The following ACSS3 variants were observed in gnomAD, a reference collection of about 807,000 sequenced individuals.
ACSS3 encodes the protein acyl-CoA synthetase short-chain family member 3, mitochondrial.
A neutral mutation model predicts 84.2 loss-of-function variants in ACSS3; 64 were observed. The observed-to-expected ratio is 0.76, with a 90% CI of 0.62 to 0.94. ACSS3 has a LOEUF of 0.94. ACSS3 is among the 40% of genes least tolerant of loss of function. The pLI is 0.00. For missense variants in ACSS3, 815 were observed against 867.6 expected (o/e 0.94, Z 0.76); for synonymous variants, 317 against 310.1 (o/e 1.02, Z -0.23).
At chr12:81,192,448 T>A in intron 8 of ACSS3, among the ~76,000 whole-genome samples, 1 of 152,260 alleles carries the variant, frequency 6.6e-6, no homozygotes, top group Non-Finnish European at 1.5e-5. Context: ...AGATACCAGA[T>A]GTTTTAATAT....
At chr12:81,160,984 C>A (rs878988617) in intron 7 of ACSS3, among the ~76,000 whole-genome samples, 1 of 152,056 alleles carries the variant, frequency 6.6e-6, no homozygotes. Context: ...ATAATTCCCA[C>A]GATATAATAG....
intron 9 of ACSS3, among the ~76,000 whole-genome samples, chr12:81,209,391 A>T (rs1027105156): frequency 1.1e-5 from 1 of 89,200 alleles, no homozygotes; most frequent in Non-Finnish European, 2.8e-5. Context: ...TGCTATGTAA[A>T]AAAAAAAAAA....
intron 13 of ACSS3, among the ~76,000 whole-genome samples, chr12:81,251,393 C>A (rs904865407): frequency 6.6e-6 from 1 of 151,940 alleles, no homozygotes; most frequent in Non-Finnish European, 1.5e-5. Flanking sequence ...TAATTGTATG[C>A]CAATTTTGGT....
chr12:81,095,565 G>GCATGACTCACAA (rs1832655626), intron 1 of ACSS3, among the ~76,000 whole-genome samples: 2 of 152,046 alleles, frequency 1.3e-5, no homozygotes, highest in South Asian at 4.2e-4. Flanking sequence ...TTACTGTCAG[G>GCATGACTCACAA]CATGACTCAC....
intron 7 of ACSS3, among the ~76,000 whole-genome samples, chr12:81,167,985 A>T (rs925025917): frequency 1.3e-5 from 2 of 152,162 alleles, no homozygotes; most frequent in Admixed American, 6.5e-5. Flanking sequence ...TAGCAAACTG[A>T]TAGAAAGTAT....
chr12:81,182,094 G>A (rs1261477993), intron 8 of ACSS3, among the ~76,000 whole-genome samples: 1 of 152,024 alleles, frequency 6.6e-6, no homozygotes, highest in Non-Finnish European at 1.5e-5. Context: ...AATCTAAAGA[G>A]GCACATTATA....
rs1409860286 is a variant in ACSS3 at position 81,231,982 on chromosome 12, C to T, written c.1596+844C>T. Among the ~76,000 whole-genome samples, 31 of 150,772 alleles carry T rather than the reference C, an allele frequency of 2.1e-4. No individual in the cohort carries two copies. In the Admixed American group the frequency reaches 2.1e-3, roughly 10 times the overall value. ...TTTGCTGAAGTACTTAGCATTTTAT[C>T]TTTATTATTTGTTAGTGAAGGACAG... On this transcript the variant is annotated intron_variant, in intron 12 of 15. Coordinates refer to ENST00000548058, the MANE Select transcript of ACSS3 (RefSeq NM_024560.4).
chr12:81,106,568 A>G (rs1445998458), intron 1 of ACSS3, among the ~76,000 whole-genome samples: 2 of 152,226 alleles, frequency 1.3e-5, no homozygotes, highest in African/African-American at 4.8e-5. Flanking sequence ...GTCTTTCATG[A>G]AACCAGTCTC....
intron 7 of ACSS3, among the ~76,000 whole-genome samples, chr12:81,159,562 G>C (rs1887048889): frequency 6.6e-6 from 1 of 152,172 alleles, no homozygotes; most frequent in Admixed American, 6.6e-5. Context: ...GAATAATTTA[G>C]TCTTTACTTT....
chr12:81,134,173 C>G (rs963673332), intron 2 of ACSS3, among the ~76,000 whole-genome samples: 2 of 151,948 alleles, frequency 1.3e-5, no homozygotes, highest in Admixed American at 6.6e-5. Context: ...GTAGAAAGAG[C>G]AAAGAATATG....
At chr12:81,195,831 G>A (rs557487981) in intron 8 of ACSS3, among the ~76,000 whole-genome samples, 8 of 152,080 alleles carry the variant, frequency 5.3e-5, no homozygotes, top group Non-Finnish European at 7.4e-5. Flanking sequence ...ATCAGGACAC[G>A]CGAATTTTAC....
In ACSS3 at chr12:81,238,632, G is replaced by T. The variant is rs564855817; in HGVS notation, c.1719+5161G>T. On this transcript the variant is annotated intron_variant, in intron 13 of 15. Transcript: ENST00000548058. ...TCAAGAAATTAGTTTATTTTGTCTA[G>T]GTAATCAAATTGGTGGGCATAGACT... Among the ~76,000 whole-genome samples, 3 of 151,642 alleles carry T rather than the reference G, an allele frequency of 2.0e-5. No homozygotes were observed. In the Admixed American group the frequency reaches 2.0e-4, roughly 10 times the overall value.
chr12:81,127,395 C>G (rs927266520), intron 2 of ACSS3, among the ~76,000 whole-genome samples: 1 of 152,070 alleles, frequency 6.6e-6, no homozygotes, highest in Non-Finnish European at 1.5e-5. Flanking sequence ...AATGCATGGA[C>G]TAAAGAATAA....
chr12:81,185,137 G>A (rs891702772), intron 8 of ACSS3, among the ~76,000 whole-genome samples: 5 of 151,716 alleles, frequency 3.3e-5, no homozygotes, highest in South Asian at 2.1e-4. Context: ...CATAAAAAAA[G>A]CATTCAACAA....
At chr12:81,172,280 C>G (rs1216422674) in intron 7 of ACSS3, among the ~76,000 whole-genome samples, 3 of 68,942 alleles carry the variant, frequency 4.4e-5, no homozygotes, top group East Asian at 8.3e-4. Flanking sequence ...AAAAAAAAGG[C>G]CCTGGTGATC....
intron 8 of ACSS3, among the ~76,000 whole-genome samples, chr12:81,191,330 CCT>C (rs1205676632): frequency 6.6e-6 from 1 of 151,970 alleles, no homozygotes; most frequent in Non-Finnish European, 1.5e-5. Context: ...CTGTTATCCC[CCT>C]CTTCCTTTCT....
At chr12:81,253,892 G>A (rs1229294963) in intron 15 of ACSS3, among the ~76,000 whole-genome samples, 3 of 152,028 alleles carry the variant, frequency 2.0e-5, no homozygotes, top group African/African-American at 7.2e-5. Context: ...CATATGCTTT[G>A]ATGATAAGAA....
In ACSS3 at chr12:81,158,785, T is replaced by C. The variant is rs118081894; in HGVS notation, c.1098+6689T>C. Among the ~76,000 whole-genome samples, 54 of 152,206 alleles carry C rather than the reference T, an allele frequency of 3.5e-4. No individual in the cohort carries two copies. In the East Asian group the frequency reaches 9.9e-3, roughly 28 times the overall value. ...GCCCTCCTTGACCTCCCTGATTAGGTCAAATCCCTTTATCATGGTCTTTTA... is the reference window on the plus strand; with the variant it reads ...GCCCTCCTTGACCTCCCTGATTAGGCCAAATCCCTTTATCATGGTCTTTTA... On this transcript the variant is annotated intron_variant, in intron 7 of 15. Transcript: ENST00000548058.
chr12:81,088,285 A>C (rs1015143244), intron 1 of ACSS3, among the ~76,000 whole-genome samples: 1 of 152,080 alleles, frequency 6.6e-6, no homozygotes, highest in Non-Finnish European at 1.5e-5. Context: ...AGTGAGAAAT[A>C]AACATTTATT....
Sources: gnomAD v4.1 joint callset for allele counts (sites outside exome capture counted in the v4.1 genomes callset) on GRCh38, gnomAD v4.1.1 for gene constraint, MANE v1.5 for transcripts, NCBI Gene and HGNC (gene_info 2026-07-23, HGNC 2026-07-21) for gene names.